The following NAALADL2 variants were observed in gnomAD, a reference collection of about 807,000 sequenced individuals.
The protein encoded by NAALADL2 is inactive N-acetylated-alpha-linked acidic dipeptidase-like protein 2.
A neutral mutation model predicts 87.2 loss-of-function variants in NAALADL2; 76 were observed. That is an observed-to-expected ratio of 0.87 (90% CI 0.72 to 1.05). NAALADL2 has a LOEUF of 1.05. Ranked by LOEUF, NAALADL2 falls within the 50% of genes least tolerant of loss-of-function variation. The pLI is 0.00. For synonymous variants in NAALADL2, 354 were observed against 331.0 expected (o/e 1.07, Z -0.75); for missense variants, 1,089 against 945.8 (o/e 1.15, Z -1.99).
chr3:175,129,266 C>T (rs1022044672), intron 2 of NAALADL2, among the ~76,000 whole-genome samples: 6 of 152,076 alleles, frequency 3.9e-5, no homozygotes, highest in Non-Finnish European at 8.8e-5. Flanking sequence ...ATTAACACAT[C>T]CATTACTACC....
At chr3:175,362,044 A>T (rs1157505706) in intron 5 of NAALADL2, among the ~76,000 whole-genome samples, 3 of 148,072 alleles carry the variant, frequency 2.0e-5, no homozygotes, top group African/African-American at 7.4e-5. Context: ...TAATTTTTGT[A>T]TAAGGTGTAA....
intron 13 of NAALADL2, chr3:175,767,433 C>T (rs1748863703): frequency 6.6e-6 from 1 of 151,876 alleles, no homozygotes; most frequent in African/African-American, 2.4e-5. Context: ...CCCAGTCTAC[C>T]TTTATCTGAC....
chr3:174,732,313 G>A (rs746835468), intron 2 of NAALADL2, among the ~76,000 whole-genome samples: 13 of 152,012 alleles, frequency 8.6e-5, no homozygotes, highest in South Asian at 2.1e-4. Context: ...TGAAATAAGC[G>A]AATCATGGAA....
chr3:175,290,236 A>T (rs954005914), intron 4 of NAALADL2, among the ~76,000 whole-genome samples: 3 of 152,246 alleles, frequency 2.0e-5, no homozygotes, highest in Non-Finnish European at 2.9e-5. Flanking sequence ...CAGCTTATTC[A>T]TAAAAGCCCC....
chr3:175,051,420 A>G (rs1406571285), intron 1 of NAALADL2, among the ~76,000 whole-genome samples: 1 of 152,068 alleles, frequency 6.6e-6, no homozygotes, highest in East Asian at 1.9e-4. Context: ...TTCTCTCCAG[A>G]GCTCACAGAC....
intron 1 of NAALADL2, among the ~76,000 whole-genome samples, chr3:174,903,417 G>C (rs1452122628): frequency 6.6e-6 from 1 of 151,950 alleles, no homozygotes; most frequent in Non-Finnish European, 1.5e-5. Flanking sequence ...GCCCTTATAA[G>C]GAAGGCTTGG....
At chr3:175,384,784 T>C (rs1458363594) in intron 5 of NAALADL2, among the ~76,000 whole-genome samples, 1 of 150,184 alleles carries the variant, frequency 6.7e-6, no homozygotes, top group African/African-American at 2.4e-5. Context: ...TTTATTTTAC[T>C]TAATTTATTT....
At chr3:174,619,694 G>A (rs1043476985) in intron 2 of NAALADL2, among the ~76,000 whole-genome samples, 21 of 151,994 alleles carry the variant, frequency 1.4e-4, no homozygotes, top group Non-Finnish European at 2.8e-4. Flanking sequence ...TTTTCAAAGC[G>A]TCCTAACTGT....
intron 2 of NAALADL2, among the ~76,000 whole-genome samples, chr3:175,184,052 T>C (rs1310100710): frequency 6.6e-6 from 1 of 152,136 alleles, no homozygotes; most frequent in Non-Finnish European, 1.5e-5. Context: ...TTCAATTTTC[T>C]ACCATGTTAC....
intron 1 of NAALADL2, among the ~76,000 whole-genome samples, chr3:174,900,235 G>T (rs1383813812): frequency 6.6e-6 from 1 of 151,976 alleles, no homozygotes; most frequent in South Asian, 2.1e-4. Flanking sequence ...TAGATAAAAT[G>T]GACAAGTTAG....
At chr3:174,568,505 C>A (rs1714556522) in intron 2 of NAALADL2, among the ~76,000 whole-genome samples, 1 of 151,576 alleles carries the variant, frequency 6.6e-6, no homozygotes. Flanking sequence ...AGTATCAGTA[C>A]AAATAAAAAA....
At chr3:174,968,816 C>T (rs1743224040) in intron 1 of NAALADL2, among the ~76,000 whole-genome samples, 1 of 152,128 alleles carries the variant, frequency 6.6e-6, no homozygotes, top group Admixed American at 6.6e-5. Context: ...ATATTGAAAG[C>T]ATTTTCATAA....
intron 2 of NAALADL2, among the ~76,000 whole-genome samples, chr3:175,202,916 G>A (rs2109170749): frequency 6.6e-6 from 1 of 152,102 alleles, no homozygotes; most frequent in Admixed American, 6.6e-5. Flanking sequence ...TGCCAGTTAA[G>A]GCCTCACCCA....
intron 1 of NAALADL2, among the ~76,000 whole-genome samples, chr3:174,909,917 A>G (rs1200936462): frequency 6.6e-6 from 1 of 152,146 alleles, no homozygotes; most frequent in African/African-American, 2.4e-5. Context: ...ATATTTAACT[A>G]CACAAGTTAA....
At chr3:174,998,949 C>T (rs1482897693) in intron 1 of NAALADL2, among the ~76,000 whole-genome samples, 3 of 152,058 alleles carry the variant, frequency 2.0e-5, no homozygotes, top group Non-Finnish European at 2.9e-5. Context: ...AAATATTGAA[C>T]TTTTATCAGA....
At chr3:175,401,956 A>C (rs995258371) in intron 5 of NAALADL2, among the ~76,000 whole-genome samples, 1 of 152,048 alleles carries the variant, frequency 6.6e-6, no homozygotes, top group Admixed American at 6.6e-5. Context: ...GTTAAAGCCT[A>C]GTTGAGATTA....
rs923854723 is a variant in NAALADL2 at position 174,676,825 on chromosome 3, T to C, written c.-114-60816T>C. ...CAAAATGTTATAAATTTCTATAAGT[T>C]AGTTTAAAAATTTTTATCATGTAGT... On this transcript the variant is annotated intron_variant, in intron 2 of 3. Transcript: ENST00000434257. Among the ~76,000 whole-genome samples, 16 of 152,044 alleles carry C rather than the reference T, an allele frequency of 1.1e-4. No homozygotes were observed. In the East Asian group the frequency reaches 2.3e-3, roughly 22 times the overall value.
chr3:174,519,404 C>T (rs1475157098), intron 1 of NAALADL2, among the ~76,000 whole-genome samples: 2 of 150,412 alleles, frequency 1.3e-5, no homozygotes. Flanking sequence ...TCTTGGCTCA[C>T]AGCAATCTCT....
chr3:175,503,086 A>G (rs887921761), intron 9 of NAALADL2, among the ~76,000 whole-genome samples: 1 of 152,030 alleles, frequency 6.6e-6, no homozygotes, highest in Non-Finnish European at 1.5e-5. Context: ...TCCACCCACC[A>G]TCTACCCTCA....
Sources: gnomAD v4.1 joint callset for allele counts (sites outside exome capture counted in the v4.1 genomes callset) on GRCh38, gnomAD v4.1.1 for gene constraint, MANE v1.5 for transcripts, NCBI Gene and HGNC (gene_info 2026-07-23, HGNC 2026-07-21) for gene names.